ACSS3: variants seen among roughly 807,000 people sequenced by gnomAD.
The protein encoded by ACSS3 is acyl-CoA synthetase short-chain family member 3, mitochondrial.
A neutral mutation model predicts 84.2 loss-of-function variants in ACSS3; 64 were observed. That is an observed-to-expected ratio of 0.76 (90% CI 0.62 to 0.94). The LOEUF is 0.94. Ranked by LOEUF, ACSS3 falls within the 40% of genes least tolerant of loss-of-function variation. The pLI, the probability that ACSS3 is intolerant of heterozygous loss-of-function variation, is 0.00. For synonymous variants in ACSS3, 317 were observed against 310.1 expected, an observed-to-expected ratio of 1.02 and a Z score of -0.23; for missense variants, 815 against 867.6, an observed-to-expected ratio of 0.94 and a Z score of 0.76.
At chr12:81,237,176 G>A (rs2033659100) in intron 13 of ACSS3, among the ~76,000 whole-genome samples, 1 of 151,410 alleles carries the variant, frequency 6.6e-6, no homozygotes, top group Non-Finnish European at 1.5e-5. Flanking sequence ...TCTCTTTTTA[G>A]CAGGTAAATA....
intron 8 of ACSS3, among the ~76,000 whole-genome samples, chr12:81,188,382 A>G (rs1358114998): frequency 6.6e-6 from 1 of 152,088 alleles, no homozygotes; most frequent in Non-Finnish European, 1.5e-5. Flanking sequence ...AGGTATATAT[A>G]CAGAAAAGAA....
chr12:81,098,151 A>T (rs10778786), intron 1 of ACSS3, among the ~76,000 whole-genome samples: 1,763 of 129,258 alleles, frequency 0.014, 65 homozygotes, highest in East Asian at 0.097. Context: ...AGAGAGAGAG[A>T]GTGTGTGTGT....
rs1041529329 is a variant in ACSS3, at chr12:81,189,768, C to T, written c.1251-9573C>T. ...TCTTATTTAAGACATAGGTGTTTTT[C>T]CTGTATTTCATTTTCTAGAAATTTT... On this transcript the variant is annotated intron_variant, in intron 8 of 15. Coordinates refer to ENST00000548058, the MANE Select transcript of ACSS3 (RefSeq NM_024560.4). Among the ~76,000 whole-genome samples the T allele has an allele frequency of 3.9e-5, 6 of 152,060 alleles. No individual in the cohort carries two copies. In the East Asian group the frequency reaches 5.8e-4, roughly 15 times the overall value.
chr12:81,166,158 A>G (rs1887393305), intron 7 of ACSS3, among the ~76,000 whole-genome samples: 1 of 152,090 alleles, frequency 6.6e-6, no homozygotes. Flanking sequence ...TTGGACTTGG[A>G]TTGTTGTGTA....
chr12:81,225,491 A>G (rs1031522925), intron 11 of ACSS3, among the ~76,000 whole-genome samples: 1 of 151,930 alleles, frequency 6.6e-6, no homozygotes, highest in Non-Finnish European at 1.5e-5. Context: ...TGGGACAAAC[A>G]CACATGCTAT....
chr12:81,151,025 A>G (rs1008773857), intron 5 of ACSS3, among the ~76,000 whole-genome samples: 4 of 152,188 alleles, frequency 2.6e-5, no homozygotes, highest in African/African-American at 4.8e-5. Flanking sequence ...TATTGGGCCA[A>G]TGATGATTAA....
At chr12:81,231,001 A>G (rs1242795317) in intron 11 of ACSS3, 56 bp from the exon 12 acceptor site, 1 of 1,311,106 alleles carries the variant, frequency 7.6e-7, no homozygotes, top group East Asian at 2.3e-5. Context: ...AGTTCTAATC[A>G]ACCTGTCTTT....
At chr12:81,164,843 TC>T (rs1887326147) in intron 7 of ACSS3, among the ~76,000 whole-genome samples, 4 of 152,228 alleles carry the variant, frequency 2.6e-5, no homozygotes, top group Admixed American at 2.6e-4. Context: ...GGGATTTGCT[TC>T]TTTTAAAGAC....
intron 1 of ACSS3, among the ~76,000 whole-genome samples, chr12:81,086,619 T>C (rs1264654588): frequency 1.3e-5 from 2 of 152,198 alleles, no homozygotes; most frequent in Non-Finnish European, 2.9e-5. Flanking sequence ...CACACTCTTA[T>C]CACCGCCTGA....
chr12:81,109,736 G>T, intron 2 of ACSS3, 32 bp downstream of exon 2: 1 of 1,469,006 alleles, frequency 6.8e-7, no homozygotes, highest in Non-Finnish European at 9.1e-7. Flanking sequence ...ATGTATATAT[G>T]AATTCATATA....
chr12:81,201,295 T>C (rs2032094486), intron 9 of ACSS3, among the ~76,000 whole-genome samples: 1 of 152,236 alleles, frequency 6.6e-6, no homozygotes, highest in Non-Finnish European at 1.5e-5. Context: ...TTCTCTTATC[T>C]GTTCAAAATG....
chr12:81,195,213 A>C (rs2031769258), intron 8 of ACSS3, among the ~76,000 whole-genome samples: 1 of 152,056 alleles, frequency 6.6e-6, no homozygotes, highest in African/African-American at 2.4e-5. Flanking sequence ...GATGTCTTTC[A>C]TCACAGGAGT....
chr12:81,085,560 G>A (rs1565967362), intron 1 of ACSS3, among the ~76,000 whole-genome samples: 1 of 152,320 alleles, frequency 6.6e-6, no homozygotes, highest in East Asian at 1.9e-4. Flanking sequence ...ACCTGGGTTA[G>A]TATTAATAGC....
At chr12:81,125,641 T>G (rs893537824) in intron 2 of ACSS3, 1 of 150,356 alleles carries the variant, frequency 6.7e-6, no homozygotes, top group Non-Finnish European at 1.5e-5. Flanking sequence ...TGATTATATC[T>G]GCGCCAATGG....
intron 13 of ACSS3, among the ~76,000 whole-genome samples, chr12:81,234,211 T>C (rs2033556589): frequency 6.6e-6 from 1 of 151,512 alleles, no homozygotes. Flanking sequence ...TTCCAAGTTG[T>C]TGCATTTATT....
chr12:81,196,018 G>T (rs914667451), intron 8 of ACSS3, among the ~76,000 whole-genome samples: 1 of 152,122 alleles, frequency 6.6e-6, no homozygotes, highest in African/African-American at 2.4e-5. Flanking sequence ...TTGAAAATCT[G>T]TTGAGATAAC....
intron 11 of ACSS3, among the ~76,000 whole-genome samples, chr12:81,220,994 T>C (rs147045616): frequency 1.3e-5 from 2 of 152,234 alleles, no homozygotes; most frequent in African/African-American, 4.8e-5. Flanking sequence ...AGTATCATCT[T>C]ATAAAGTTCC....
chr12:81,105,171 A>G (rs1054898784), intron 1 of ACSS3, among the ~76,000 whole-genome samples: 1 of 152,222 alleles, frequency 6.6e-6, no homozygotes, highest in African/African-American at 2.4e-5. Context: ...GTTTGGAACT[A>G]CCTGACAAGT....
chr12:81,139,637 T>TAA (rs57904646), intron 4 of ACSS3, among the ~76,000 whole-genome samples: 51,295 of 145,488 alleles, frequency 0.35, 11,286 homozygotes, highest in Non-Finnish European at 0.49. Context: ...ATAATAATAA[T>TAA]TATTGTTATT....
Sources: allele counts gnomAD v4.1 joint callset (sites outside exome capture counted in the v4.1 genomes callset), GRCh38; gene constraint gnomAD v4.1.1; transcripts MANE v1.5; gene names NCBI Gene and HGNC (gene_info 2026-07-23, HGNC 2026-07-21).